MTA3: variants seen among roughly 807,000 people sequenced by gnomAD.
MTA3 encodes metastasis associated 1 family member 3.
In MTA3, 34 loss-of-function variants were observed where a neutral mutation model predicts 83.5. That is an observed-to-expected ratio of 0.41 (90% CI 0.31 to 0.54). The LOEUF (loss-of-function observed/expected upper bound fraction) is 0.54, where lower values mean the gene tolerates loss of function less well. Ranked by LOEUF, MTA3 falls within the 20% of genes least tolerant of loss-of-function variation. MTA3 has a pLI of 0.33. For missense variants in MTA3, 761 were observed against 726.4 expected (o/e 1.05, Z -0.55); for synonymous variants, 303 against 252.7 (o/e 1.20, Z -1.89).
intron 2 of MTA3, among the ~76,000 whole-genome samples, chr2:42,539,962 A>T (rs1353008508): frequency 6.6e-6 from 1 of 152,128 alleles, no homozygotes; most frequent in Non-Finnish European, 1.5e-5. Context: ...TTCCTGCTGT[A>T]GAATGGCTTC....
At chr2:42,618,001 A>G (rs941700820) in intron 4 of MTA3, among the ~76,000 whole-genome samples, 2 of 151,948 alleles carry the variant, frequency 1.3e-5, no homozygotes, top group Admixed American at 6.6e-5. Context: ...CTGATGGGCA[A>G]TGGAGTGATC....
At chr2:42,567,366 T>C (rs1003390217), upstream of MTA3, among the ~76,000 whole-genome samples, 1 of 152,190 alleles carries the variant, frequency 6.6e-6, no homozygotes. Flanking sequence ...TTTTTTCATC[T>C]CAATACTTTG....
chr2:42,671,296 C>T (rs964180883), intron 8 of MTA3, among the ~76,000 whole-genome samples: 8 of 151,958 alleles, frequency 5.3e-5, no homozygotes, highest in African/African-American at 1.7e-4. Flanking sequence ...TATTTTTAAA[C>T]AGTTTGCCGT....
At chr2:42,726,765 C>A (rs1667849600) in intron 16 of MTA3, among the ~76,000 whole-genome samples, 1 of 152,180 alleles carries the variant, frequency 6.6e-6, no homozygotes, top group Admixed American at 6.5e-5. Context: ...TGATGAAGGC[C>A]TTTTAAAGAA....
intron 8 of MTA3, 49 bp downstream of exon 8, chr2:42,659,911 T>C (rs755987153): frequency 2.1e-6 from 3 of 1,435,816 alleles, no homozygotes; most frequent in Admixed American, 4.4e-5. Flanking sequence ...CTGTTACTTG[T>C]TTAATTTTAA....
chr2:42,641,534 A>G (rs915860216), intron 5 of MTA3, among the ~76,000 whole-genome samples: 4 of 152,134 alleles, frequency 2.6e-5, no homozygotes, highest in South Asian at 2.1e-4. Flanking sequence ...AAAACATTCC[A>G]TGCATTTCAT....
chr2:42,636,597 C>G (rs1426075673), intron 4 of MTA3, among the ~76,000 whole-genome samples: 4 of 149,980 alleles, frequency 2.7e-5, no homozygotes, highest in Non-Finnish European at 4.4e-5. Context: ...GGTAAATGAT[C>G]ACTAATTTAA....
At chr2:42,682,355 T>C in intron 8 of MTA3, 46 bp from the exon 9 acceptor site, 1 of 1,389,956 alleles carries the variant, frequency 7.2e-7, no homozygotes, top group African/African-American at 1.4e-5. Flanking sequence ...TAATGTAGCA[T>C]GTTTGCATTT....
Position 42,725,217 on chromosome 2 carries a change from T to A in MTA3, c.1759+2182T>A, listed in dbSNP as rs561029400. ...TCTGTGCTTAGCACAGTACTTGGCATGTAGTAGGTACTCAATATATATTAG... is the reference window on the plus strand; with the variant it reads ...TCTGTGCTTAGCACAGTACTTGGCAAGTAGTAGGTACTCAATATATATTAG... On this transcript the variant is annotated intron_variant, in intron 16 of 16. Coordinates refer to ENST00000405094, the MANE Select transcript of MTA3 (RefSeq NM_001330442.2). Among the ~76,000 whole-genome samples, 4 of 152,344 alleles carry A rather than the reference T, an allele frequency of 2.6e-5. No individual in the cohort carries two copies. In the South Asian group the frequency reaches 8.3e-4, roughly 32 times the overall value.
At chr2:42,510,436 G>C (rs1032841675) in intron 2 of MTA3, among the ~76,000 whole-genome samples, 2 of 151,880 alleles carry the variant, frequency 1.3e-5, no homozygotes, top group East Asian at 3.9e-4. Context: ...CTTGAGATCA[G>C]CTCCCATCAT....
At chr2:42,630,112 T>G (rs1481511237) in intron 4 of MTA3, among the ~76,000 whole-genome samples, 1 of 152,228 alleles carries the variant, frequency 6.6e-6, no homozygotes, top group African/African-American at 2.4e-5. Context: ...AAAAGCCTTA[T>G]GATTCTAATG....
intron 4 of MTA3, among the ~76,000 whole-genome samples, chr2:42,623,141 G>T (rs1229674220): frequency 6.6e-6 from 1 of 152,190 alleles, no homozygotes; most frequent in Non-Finnish European, 1.5e-5. Flanking sequence ...AGCATACCTT[G>T]AGAATGATCC....
intron 4 of MTA3, among the ~76,000 whole-genome samples, chr2:42,610,982 CTT>C (rs773889459): frequency 7.4e-5 from 10 of 135,960 alleles, no homozygotes; most frequent in Admixed American, 1.5e-4. Context: ...CTTTTCTTTT[CTT>C]TTTTTTTTTT....
At chr2:42,604,459 T>C (rs576809684) in intron 3 of MTA3, among the ~76,000 whole-genome samples, 4 of 152,206 alleles carry the variant, frequency 2.6e-5, no homozygotes, top group East Asian at 1.9e-4. Flanking sequence ...CAGTAACTTA[T>C]TGATGTTTAT....
chr2:42,534,016 G>A (rs1572938880), intron 2 of MTA3, among the ~76,000 whole-genome samples: 2 of 152,228 alleles, frequency 1.3e-5, no homozygotes, highest in East Asian at 3.9e-4. Context: ...ATCTCCTGAG[G>A]CTGGAAAATC....
At chr2:42,526,604 C>A (rs1675720393) in intron 2 of MTA3, among the ~76,000 whole-genome samples, 1 of 152,168 alleles carries the variant, frequency 6.6e-6, no homozygotes, top group Admixed American at 6.5e-5. Context: ...ATTTTGGGAC[C>A]ATGATTTATT....
chr2:42,627,725 A>ATTTTTTTTTTTTTTTTTTTTTTT (rs869227831), intron 4 of MTA3, among the ~76,000 whole-genome samples: 1 of 103,384 alleles, frequency 9.7e-6, no homozygotes, highest in African/African-American at 4.0e-5. Flanking sequence ...GCCTGGCTAA[A>ATTTTTTTTTTTTTTTTTTTTTTT]TTTTTTTTTT....
intron 8 of MTA3, among the ~76,000 whole-genome samples, chr2:42,673,870 G>T (rs551644193): frequency 1.3e-4 from 20 of 152,328 alleles, no homozygotes; most frequent in Admixed American, 1.1e-3. Context: ...CAGCAGCTGA[G>T]GACTGTCTTA....
chr2:42,749,210 C>T lies in MTA3; in HGVS notation c.1760-4164C>T, dbSNP rs529748191. ...CCTTCCTCTGCAGGATCTCCTCCCT[C>T]AGTTTCCAGCTGCATTGGCTGCCTC... is the stretch of plus-strand genomic sequence containing the variant. On this transcript the variant is annotated intron_variant, in intron 16 of 16. Coordinates refer to ENST00000405094, the MANE Select transcript of MTA3 (RefSeq NM_001330442.2). 5.1e-4 allele frequency among the ~76,000 whole-genome samples: 78 copies of T among 152,334 alleles called. 1 individual carries two copies. In the South Asian group the frequency reaches 0.011, roughly 22 times the overall value.
Sources: gnomAD v4.1 joint callset for allele counts (sites outside exome capture counted in the v4.1 genomes callset) on GRCh38, gnomAD v4.1.1 for gene constraint, MANE v1.5 for transcripts, NCBI Gene and HGNC (gene_info 2026-07-23, HGNC 2026-07-21) for gene names.